ZDHHC3: variants seen among roughly 807,000 people sequenced by gnomAD.
ZDHHC3 encodes the protein palmitoyltransferase ZDHHC3.
Under a neutral mutation model 30.6 loss-of-function variants are expected in ZDHHC3, and 9 were observed. The ratio of observed to expected loss-of-function variants is 0.29; its 90% CI spans 0.18 to 0.51. The LOEUF (loss-of-function observed/expected upper bound fraction) is 0.51, where lower values mean the gene tolerates loss of function less well. Among genes scored for constraint, ZDHHC3 ranks in the 20% least tolerant of loss-of-function variants. ZDHHC3 has a pLI of 0.97. For synonymous variants in ZDHHC3, 136 were observed against 140.2 expected, an observed-to-expected ratio of 0.97 and a Z score of 0.21; for missense variants, 246 against 384.2, an observed-to-expected ratio of 0.64 and a Z score of 3.01.
chr3:44,960,916 G>A (rs541953793), intron 1 of ZDHHC3, among the ~76,000 whole-genome samples: 4 of 152,320 alleles, frequency 2.6e-5, no homozygotes, highest in East Asian at 3.9e-4. Flanking sequence ...TTCTAGAGTC[G>A]AAAGTTGCAC....
intron 5 of ZDHHC3, among the ~76,000 whole-genome samples, chr3:44,931,765 G>A (rs1701508975): frequency 6.6e-6 from 1 of 152,178 alleles, no homozygotes. Flanking sequence ...TCTTGCTCCA[G>A]ACCTAGGCTT....
At position 44,922,385 on chromosome 3, in the gene ZDHHC3, C is replaced by T. The variant is rs1022509181; in HGVS notation, c.*4304G>A. On this transcript the variant is annotated 3_prime_UTR_variant, in exon 7 of 7. Transcript: ENST00000424952. Reference sequence around the variant, plus strand: ...CTTCTTCACCCAAAGGGCCCTTGGTCTAGAGATGGGTTCCACTGATGAGAT... The same window carrying T: ...CTTCTTCACCCAAAGGGCCCTTGGTTTAGAGATGGGTTCCACTGATGAGAT... 17 of 985,284 alleles carry T rather than the reference C, an allele frequency of 1.7e-5. No individual in the cohort carries two copies. The highest frequency in any genetic ancestry group is 5.2e-4 in the Middle Eastern group (1 of 1,936). 61.0% of individuals were successfully genotyped at this position (985,284 alleles called of 1,614,324 possible). A position where few individuals can be genotyped will look rare whatever the true frequency, so the allele number is the denominator to read the frequency against.
In ZDHHC3 at chr3:44,920,866, G is replaced by A; in HGVS notation, c.*5823C>T. ...AGCAGTAAAGTCGACAAACTTTCAG[G>A]GAGTGTTGACTTTTGAGTCTAGAAA... On this transcript the variant is annotated 3_prime_UTR_variant, in exon 7 of 7. Coordinates refer to ENST00000424952, the MANE Select transcript of ZDHHC3 (RefSeq NM_001135179.2). The A allele has an allele frequency of 3.0e-6, 3 of 985,398 alleles. No individual in the cohort carries two copies. Among genetic ancestry groups the A allele is most frequent in the Non-Finnish European group, 3.6e-6 (3 of 829,920 alleles). 61.0% of individuals were successfully genotyped at this position (985,398 alleles called of 1,614,324 possible). A position where few individuals can be genotyped will look rare whatever the true frequency, so the allele number is the denominator to read the frequency against.
rs1433044484 is a variant in ZDHHC3 at position 44,957,501 on chromosome 3, T to A, written c.306+1630A>T. Among the ~76,000 whole-genome samples, 3 of 152,200 alleles carry A rather than the reference T, an allele frequency of 2.0e-5. No homozygotes were observed. In the East Asian group the frequency reaches 5.8e-4, roughly 29 times the overall value. ...ATCCTTAGGGGCCCTAAACTGCCCC[T>A]CATCATCAAACTCCCATCCTCCTCC... On this transcript the variant is annotated intron_variant, in intron 2 of 6. Coordinates refer to ENST00000424952, the MANE Select transcript of ZDHHC3 (RefSeq NM_001135179.2).
rs377279041 is a variant in ZDHHC3, at chr3:44,941,430, C to T, written c.431+3738G>A. 7.2e-5 allele frequency among the ~76,000 whole-genome samples: 11 copies of T among 152,226 alleles called. No homozygotes were observed. In the East Asian group the frequency reaches 1.2e-3, roughly 16 times the overall value. ...AGCCTCAGCAGAACTACTCTGATCT[C>T]TTAGGGTCATTGTGAGCACCAAAAA... On this transcript the variant is annotated intron_variant, in intron 3 of 6. Coordinates refer to ENST00000424952, the MANE Select transcript of ZDHHC3 (RefSeq NM_001135179.2).
rs1700468103 is a variant in ZDHHC3 at position 44,919,797 on chromosome 3, T to A, written c.*6892A>T. The A allele has an allele frequency of 2.4e-6, 2 of 828,042 alleles. No individual in the cohort carries two copies. Among genetic ancestry groups the A allele is most frequent in the Non-Finnish European group, 2.9e-6 (2 of 686,418 alleles). 51.3% of individuals were successfully genotyped at this position (828,042 alleles called of 1,614,324 possible). The stretch of plus-strand genomic sequence containing the variant: ...GACTGACTGAAAGGTACATGGGAAC[T>A]CTTTGTACTGTTTTTGTCACATTTT... On this transcript the variant is annotated 3_prime_UTR_variant, in exon 7 of 7. Transcript: ENST00000424952.
intron 1 of ZDHHC3, among the ~76,000 whole-genome samples, chr3:44,967,563 C>T (rs1705063753): frequency 6.6e-6 from 1 of 151,984 alleles, no homozygotes; most frequent in Non-Finnish European, 1.5e-5. Context: ...CACTCATGTA[C>T]AGTGTGACAT....
At chr3:44,940,678 C>T (rs1226365007) in intron 3 of ZDHHC3, among the ~76,000 whole-genome samples, 1 of 152,182 alleles carries the variant, frequency 6.6e-6, no homozygotes, top group Non-Finnish European at 1.5e-5. Context: ...AAGGCAGATG[C>T]TTCCCTTCTC....
Position 44,916,160 on chromosome 3 carries a change from T to G in ZDHHC3, c.*10529A>C, listed in dbSNP as rs1700150667. On this transcript the variant is annotated 3_prime_UTR_variant, in exon 7 of 7. Transcript: ENST00000424952. ...GTCTTTCTGGTTGCTCTGTTGATGT[T>G]AGAATCCCACCATCACCCCTCTCGT... 1 of 152,196 alleles carries G rather than the reference T, an allele frequency of 6.6e-6. No individual in the cohort carries two copies. The highest frequency in any genetic ancestry group is 2.4e-5 in the African/African-American group (1 of 41,444). The allele number at this position is 152,196 out of a possible 1,614,324, so 9.4% of individuals were successfully genotyped here.
intron 3 of ZDHHC3, among the ~76,000 whole-genome samples, chr3:44,936,883 C>A (rs113959485): frequency 1.1e-3 from 171 of 150,554 alleles, no homozygotes; most frequent in African/African-American, 4.1e-3. Context: ...AAACCCCCCC[C>A]CAAAACCTGC....
At chr3:44,929,248 G>A in intron 6 of ZDHHC3, 58 bp downstream of exon 6, 5 of 1,595,244 alleles carry the variant, frequency 3.1e-6, no homozygotes, top group South Asian at 1.1e-5. Flanking sequence ...CAGCAACACT[G>A]ACCCTGGGTC....
chr3:44,926,168 A>T lies in ZDHHC3; in HGVS notation c.*521T>A. On this transcript the variant is annotated 3_prime_UTR_variant, in exon 7 of 7. Coordinates refer to ENST00000424952, the MANE Select transcript of ZDHHC3 (RefSeq NM_001135179.2). Reference sequence around the variant, plus strand: ...CTTGGGGGATGAGGTCGCTGTGCCAAGGTCCCTTCTGATCCTGCCCTTCTC... The same window carrying T: ...CTTGGGGGATGAGGTCGCTGTGCCATGGTCCCTTCTGATCCTGCCCTTCTC... The T allele has an allele frequency of 1.0e-6, 1 of 985,810 alleles. No homozygotes were observed. Among genetic ancestry groups the T allele is most frequent in the Non-Finnish European group, 1.2e-6 (1 of 830,086 alleles). 61.1% of individuals were successfully genotyped at this position (985,810 alleles called of 1,614,324 possible).
rs978106090 is a variant in ZDHHC3, at chr3:44,918,541, T to C, written c.*8148A>G. On this transcript the variant is annotated 3_prime_UTR_variant, in exon 7 of 7. Transcript: ENST00000424952. ...AGGCCACTACAAACTGGTGATCCCC[T>C]CCTAAATATTTTTGGCCACTCCCAC... The C allele has an allele frequency of 1.0e-6, 1 of 985,180 alleles. No individual in the cohort carries two copies. Among genetic ancestry groups the C allele is most frequent in the Non-Finnish European group, 1.2e-6 (1 of 829,914 alleles). The allele number at this position is 985,180 out of a possible 1,614,324, so 61.0% of individuals were successfully genotyped here. A position where few individuals can be genotyped will look rare whatever the true frequency, so the allele number is the denominator to read the frequency against.
At position 44,959,510 on chromosome 3, in the gene ZDHHC3, A is replaced by C. The variant is rs1704278809; in HGVS notation, c.-24-50T>G. 6.5e-7 allele frequency: 1 copy of C among 1,534,222 alleles called. No homozygotes were observed. Among genetic ancestry groups the C allele is most frequent in the Non-Finnish European group, 8.8e-7 (1 of 1,134,442 alleles). On this transcript the variant is annotated intron_variant, in intron 1 of 6. Transcript: ENST00000424952. The surrounding 1 kb of genome is among the most constrained non-coding windows in gnomAD (Gnocchi z 4.3). ...GAAACTTGGTGTTGTCTTGTCATCA[A>C]GGAGGTTTGACAAAATTGCTCCCAT...
At position 44,933,894 on chromosome 3, in the gene ZDHHC3, C is replaced by T. The variant is rs1272293887; in HGVS notation, c.522G>A (p.Leu174=). Residue 174 remains leucine (L), a synonymous_variant, in exon 4 of 7, where the codon CTG becomes CTA. Coordinates refer to ENST00000424952, the MANE Select transcript of ZDHHC3 (RefSeq NM_001135179.2). The part of the protein sequence containing the change: ...VGENNQKYFV[L]FTMYIALISL... ...AATTTGCAAGCTGACTTACTGTAAACAGGACGAAGTACTTCTGGTTGTTCT... is the reference window on the plus strand; with the variant it reads ...AATTTGCAAGCTGACTTACTGTAAATAGGACGAAGTACTTCTGGTTGTTCT... 3.7e-6 allele frequency: 6 copies of T among 1,614,154 alleles called. No homozygotes were observed. Among genetic ancestry groups the T allele is most frequent in the South Asian group, 3.3e-5 (3 of 91,086 alleles).
intron 3 of ZDHHC3, among the ~76,000 whole-genome samples, chr3:44,944,079 C>G (rs114578797): frequency 6.6e-6 from 1 of 152,068 alleles, no homozygotes; most frequent in Non-Finnish European, 1.5e-5. Flanking sequence ...TGGGATCAAG[C>G]GATGCTCTGC....
At position 44,945,190 on chromosome 3, in the gene ZDHHC3, G is replaced by A. The variant is rs781655113; in HGVS notation, c.409C>T (p.Pro137Ser). 1 of 1,614,182 alleles carries A rather than the reference G, an allele frequency of 6.2e-7. No individual in the cohort carries two copies. Among genetic ancestry groups the A allele is most frequent in the Admixed American group, 1.7e-5 (1 of 60,032 alleles). Residue 137 changes from proline (P) to serine (S), a missense_variant, in exon 3 of 7, where the codon CCC (proline) becomes TCC (serine). Transcript: ENST00000424952. ...YKCPKCCSIKPDRAHHCSVCK... is the reference protein window; with the variant it reads ...YKCPKCCSIKSDRAHHCSVCK... ...TACCTGCAGTGGTGGGCTCGGTCGG[G>A]CTTGATGCTGCAGCATTTGGGGCAC...
intron 1 of ZDHHC3, among the ~76,000 whole-genome samples, chr3:44,968,783 CT>C (rs1470342903): frequency 6.6e-6 from 1 of 152,206 alleles, no homozygotes; most frequent in Non-Finnish European, 1.5e-5. Flanking sequence ...GAGCATGACA[CT>C]CATTGGGTTA....
In ZDHHC3 at chr3:44,929,408, T is replaced by C; in HGVS notation, c.639A>G (p.Thr213=). The C allele has an allele frequency of 1.2e-6, 2 of 1,614,088 alleles. No individual in the cohort carries two copies. The highest frequency in any genetic ancestry group is 1.1e-5 in the South Asian group (1 of 91,058). ...AGCACAGCAGGATAAGGAGAATCAC[T>C]GTGGTGGGTGGAGAGAAGGAGCTGC... ...TKCSSFSPPT[T]VILLILLCFE... is the part of the protein sequence containing the mutation. Residue 213 remains threonine, a synonymous_variant, in exon 6 of 7, where the codon ACA becomes ACG. Coordinates refer to ENST00000424952, the MANE Select transcript of ZDHHC3 (RefSeq NM_001135179.2).
Sources: allele counts gnomAD v4.1 joint callset (sites outside exome capture counted in the v4.1 genomes callset), GRCh38; gene constraint gnomAD v4.1.1; non-coding constraint Gnocchi (gnomAD v3.1); transcripts MANE v1.5; gene names NCBI Gene and HGNC (gene_info 2026-07-23, HGNC 2026-07-21).